Variants in DPRX observed in about 807,000 individuals in gnomAD.
The protein encoded by DPRX is divergent-paired related homeobox, also known as divergent paired-related homeobox.
In DPRX, 11 loss-of-function variants were observed where a neutral mutation model predicts 8.4. That is an observed-to-expected ratio of 1.31 (90% CI 0.82 to 2.17). The LOEUF (loss-of-function observed/expected upper bound fraction) is 2.17. DPRX is among the 30% of genes most tolerant of loss of function. The pLI, the probability that DPRX is intolerant of heterozygous loss-of-function variation, is 0.00. For synonymous variants in DPRX, 72 were observed against 87.0 expected, an observed-to-expected ratio of 0.83 and a Z score of 0.96; for missense variants, 211 against 236.7, an observed-to-expected ratio of 0.89 and a Z score of 0.71.
chr19:53,623,179 C>T, the DPRX span, among the ~76,000 whole-genome samples: 20 of 151,964 alleles, frequency 1.3e-4, no homozygotes, highest in African/African-American at 3.4e-4. Flanking sequence ...TGGTGGCAGG[C>T]GCCTGTAGTC....
Position 53,636,765 on chromosome 19 carries a change from G to T in DPRX, c.353G>T (p.Gly118Val), listed in dbSNP as rs201734272. ...TTGCCCAACGCTGCTCACCCGATCG[G>T]CCTGGTGTACACGGGTCATCGAGTC... The change falls in exon 3 of 3, where the codon GGC becomes GTC. Residue 118 changes from glycine to valine, a missense_variant. By Grantham distance (109) the Gly-to-Val change is moderately radical. Transcript: ENST00000376650. 2.5e-6 allele frequency: 4 copies of T among 1,614,016 alleles called. No homozygotes were observed. In the African/African-American group the frequency reaches 4.0e-5, roughly 16 times the overall value.
In DPRX at chr19:53,636,842, T is replaced by A. The variant is rs772444739; in HGVS notation, c.430T>A (p.Phe144Ile). The change falls in exon 3 of 3, where the codon TTC becomes ATC. Residue 144 changes from phenylalanine (F) to isoleucine (I), a missense_variant. Transcript: ENST00000376650. Reference sequence around the variant, plus strand: ...CAACCTCAAGGTCCCTGCAAATGACTTCATTGGCCACAGAATAGTCCATTT... The same window carrying A: ...CAACCTCAAGGTCCCTGCAAATGACATCATTGGCCACAGAATAGTCCATTT... 12 of 1,614,114 alleles carry A rather than the reference T, an allele frequency of 7.4e-6. No homozygotes were observed. In the East Asian group the frequency reaches 2.5e-4, roughly 33 times the overall value.
upstream of DPRX, among the ~76,000 whole-genome samples, chr19:53,631,062 G>A (rs377547545): frequency 2.0e-5 from 3 of 151,870 alleles, no homozygotes; most frequent in East Asian, 3.9e-4. Context: ...GGCCAGGCTG[G>A]TCTCGAACTC....
chr19:53,635,560 T>C (rs1189268182), intron 2 of DPRX, among the ~76,000 whole-genome samples: 1 of 152,084 alleles, frequency 6.6e-6, no homozygotes, highest in Non-Finnish European at 1.5e-5. Context: ...TGTGTGTTTT[T>C]TGTAGAGATG....
upstream of DPRX, among the ~76,000 whole-genome samples, chr19:53,630,987 C>T (rs1473821330): frequency 2.0e-5 from 3 of 151,552 alleles, no homozygotes; most frequent in African/African-American, 7.3e-5. Context: ...GCTGGGATTA[C>T]AGGTGCCCAC....
At chr19:53,601,821 G>C in the DPRX span, among the ~76,000 whole-genome samples, 3 of 152,048 alleles carry the variant, frequency 2.0e-5, no homozygotes, top group Admixed American at 2.0e-4. Context: ...GGGTGTTCTG[G>C]AAGAGACAGG....
At chr19:53,601,713 C>T in the DPRX span, among the ~76,000 whole-genome samples, 10 of 152,170 alleles carry the variant, frequency 6.6e-5, no homozygotes, top group Non-Finnish European at 1.2e-4. Context: ...AACTCCTCGC[C>T]TCAAGTGATC....
At chr19:53,619,298 T>C in the DPRX span, among the ~76,000 whole-genome samples, 11 of 152,004 alleles carry the variant, frequency 7.2e-5, no homozygotes, top group African/African-American at 2.7e-4. Context: ...CCCAGCACTT[T>C]GGGAATCCGA....
the DPRX span, among the ~76,000 whole-genome samples, chr19:53,602,900 C>T: frequency 2.0e-5 from 3 of 151,780 alleles, no homozygotes; most frequent in Non-Finnish European, 2.9e-5. Context: ...CTGGTCTCAA[C>T]TCCTCACCTC....
chr19:53,618,066 T>C, the DPRX span, among the ~76,000 whole-genome samples: 2,970 of 150,156 alleles, frequency 0.02, 40 homozygotes, highest in Middle Eastern at 0.035. Flanking sequence ...CACGTGAACC[T>C]GGGAGGCGGA....
exon 2 of DPRX, chr19:53,634,654 C>T (rs775233324): frequency 2.0e-5 from 33 of 1,613,760 alleles, no homozygotes; most frequent in Admixed American, 8.3e-5. Flanking sequence ...GAAATGGCCT[C>T]GAAAATAGAC....
At chr19:53,608,771 T>C in the DPRX span, among the ~76,000 whole-genome samples, 6 of 151,296 alleles carry the variant, frequency 4.0e-5, no homozygotes, top group African/African-American at 1.5e-4. Context: ...GCTAACATGG[T>C]GAAACCCTGT....
At chr19:53,632,221 G>A (rs1173863659) in intron 1 of DPRX, 87 bp downstream of exon 1, 31 of 1,585,574 alleles carry the variant, frequency 2.0e-5, no homozygotes, top group African/African-American at 4.0e-5. Flanking sequence ...GGGACCAGGC[G>A]GCCGAAGCTG....
chr19:53,634,472 G>A (rs1568585004), intron 1 of DPRX, 59 bp from the exon 2 acceptor site: 2 of 1,560,506 alleles, frequency 1.3e-6, no homozygotes, highest in East Asian at 2.2e-5. Flanking sequence ...GAAAGCTCAG[G>A]CTTTTGAGAA....
At chr19:53,624,841 A>AAAAG in the DPRX span, among the ~76,000 whole-genome samples, 12 of 142,394 alleles carry the variant, frequency 8.4e-5, no homozygotes, top group South Asian at 2.2e-4. Flanking sequence ...AAAAAAAAAA[A>AAAAG]AAAGAAAGAA....
At chr19:53,603,225 G>T in the DPRX span, 1 of 420,702 alleles carries the variant, frequency 2.4e-6, no homozygotes, top group African/African-American at 2.0e-5. Context: ...CCAAAAGTGC[G>T]CCTACTAAGA....
At chr19:53,614,566 T>C in the DPRX span, among the ~76,000 whole-genome samples, 23 of 152,296 alleles carry the variant, frequency 1.5e-4, no homozygotes, top group Admixed American at 4.6e-4. Context: ...AAAAAATTTT[T>C]AATGAAACAG....
chr19:53,618,153 AAAG>A, the DPRX span, among the ~76,000 whole-genome samples: 516 of 60,576 alleles, frequency 8.5e-3, 4 homozygotes, highest in African/African-American at 0.039. Context: ...AAAAAAAAAA[AAAG>A]AAAGAAAGAA....
chr19:53,616,339 T>C, the DPRX span, among the ~76,000 whole-genome samples: 2 of 152,196 alleles, frequency 1.3e-5, no homozygotes, highest in African/African-American at 4.8e-5. Flanking sequence ...ACTTCATTGT[T>C]CTGCCTTTAC....
Sources: gnomAD v4.1 joint callset for allele counts (sites outside exome capture counted in the v4.1 genomes callset) on GRCh38, gnomAD v4.1.1 for gene constraint, MANE v1.5 for transcripts, NCBI Gene and HGNC (gene_info 2026-07-23, HGNC 2026-07-21) for gene names.